STAU2: variants seen among roughly 807,000 people sequenced by gnomAD.
STAU2 encodes double-stranded RNA-binding protein Staufen homolog 2.
A neutral mutation model predicts 65.9 loss-of-function variants in STAU2; 20 were observed. The ratio of observed to expected loss-of-function variants is 0.30; its 90% CI spans 0.21 to 0.44. STAU2 has a LOEUF of 0.44. Among genes scored for constraint, STAU2 ranks in the 20% least tolerant of loss-of-function variants. The probability of loss-of-function intolerance (pLI) is 1.00; values close to 1 mark genes in which losing one functional copy is unlikely to be tolerated. For missense variants in STAU2, 558 were observed against 683.9 expected (o/e 0.82, Z 2.05); for synonymous variants, 232 against 233.9 (o/e 0.99, Z 0.07).
intron 13 of STAU2, among the ~76,000 whole-genome samples, chr8:73,423,136 G>C (rs1816519775): frequency 6.6e-6 from 1 of 152,224 alleles, no homozygotes; most frequent in African/African-American, 2.4e-5. Flanking sequence ...CTTAGCCCCA[G>C]TCAAGGTACA....
In STAU2 at chr8:73,536,696, A is replaced by G. The variant is rs767494648; in HGVS notation, c.1530+15316T>C. 2.6e-4 allele frequency among the ~76,000 whole-genome samples: 40 copies of G among 152,074 alleles called. 1 individual carries two copies. Among genetic ancestry groups the G allele is most frequent in the Non-Finnish European group, 3.7e-4 (25 of 68,012 alleles). ...GGTGGTGTCAATAGAGGCATGGTGG[A>G]AGGTCAGGACTTTCACCCCCACCCA... On this transcript the variant is annotated intron_variant, in intron 13 of 14. Coordinates refer to ENST00000524300, the MANE Select transcript of STAU2 (RefSeq NM_001164380.2).
chr8:73,660,732 A>G (rs997118074), intron 6 of STAU2, among the ~76,000 whole-genome samples: 4 of 152,224 alleles, frequency 2.6e-5, no homozygotes, highest in Admixed American at 1.3e-4. Flanking sequence ...TCCTAACTTA[A>G]TAACTCCTGA....
chr8:73,443,425 A>T (rs1818303101), intron 13 of STAU2, among the ~76,000 whole-genome samples: 1 of 152,258 alleles, frequency 6.6e-6, no homozygotes, highest in Non-Finnish European at 1.5e-5. Flanking sequence ...CGAATGAATG[A>T]ATACATGCAT....
intron 6 of STAU2, among the ~76,000 whole-genome samples, chr8:73,647,654 T>C (rs1815495696): frequency 6.6e-6 from 1 of 151,368 alleles, no homozygotes; most frequent in African/African-American, 2.4e-5. Flanking sequence ...TCATGGCTCG[T>C]AGTAGCCTCA....
At chr8:73,490,536 G>C (rs1236159687) in intron 13 of STAU2, among the ~76,000 whole-genome samples, 1 of 151,998 alleles carries the variant, frequency 6.6e-6, no homozygotes, top group East Asian at 1.9e-4. Context: ...TCCATGTTGA[G>C]AAAACGTAGC....
At chr8:73,555,542 AAAC>A (rs1313146990) in intron 12 of STAU2, among the ~76,000 whole-genome samples, 5 of 152,194 alleles carry the variant, frequency 3.3e-5, no homozygotes, top group East Asian at 3.8e-4. Context: ...TTGCAAAGAG[AAAC>A]AACAACAACA....
At chr8:73,500,685 T>A (rs912906234) in intron 13 of STAU2, among the ~76,000 whole-genome samples, 2 of 151,928 alleles carry the variant, frequency 1.3e-5, no homozygotes, top group Non-Finnish European at 2.9e-5. Flanking sequence ...ATGACCGTGA[T>A]AAAATTGCAC....
At chr8:73,693,876 CA>C (rs1185497517) in intron 4 of STAU2, among the ~76,000 whole-genome samples, 1 of 152,130 alleles carries the variant, frequency 6.6e-6, no homozygotes, top group Non-Finnish European at 1.5e-5. Flanking sequence ...AAAATTAGAA[CA>C]AAATGGTGTA....
chr8:73,532,231 T>C (rs1296795121), intron 13 of STAU2, among the ~76,000 whole-genome samples: 1 of 152,186 alleles, frequency 6.6e-6, no homozygotes, highest in Non-Finnish European at 1.5e-5. Flanking sequence ...ACATGACAGA[T>C]AGCAGTCCCT....
chr8:73,611,286 G>A (rs1217648561), intron 9 of STAU2, among the ~76,000 whole-genome samples: 1 of 152,128 alleles, frequency 6.6e-6, no homozygotes, highest in Non-Finnish European at 1.5e-5. Flanking sequence ...ACATTTCAGA[G>A]GGTATCTACA....
chr8:73,640,857 T>C (rs1399830735), intron 6 of STAU2, among the ~76,000 whole-genome samples: 1 of 152,250 alleles, frequency 6.6e-6, no homozygotes, highest in Non-Finnish European at 1.5e-5. Flanking sequence ...ATTTTTACCA[T>C]ATGTAAGTTC....
At chr8:73,695,470 G>A (rs1480359777) in intron 4 of STAU2, among the ~76,000 whole-genome samples, 2 of 151,432 alleles carry the variant, frequency 1.3e-5, no homozygotes, top group Admixed American at 1.3e-4. Context: ...GATACCCAAG[G>A]AGTATGCAGT....
At chr8:73,445,035 G>A (rs762331974) in intron 13 of STAU2, among the ~76,000 whole-genome samples, 4 of 152,144 alleles carry the variant, frequency 2.6e-5, no homozygotes, top group African/African-American at 4.8e-5. Context: ...AGAATAGGGC[G>A]GAGGGTTTCT....
chr8:73,704,983 G>T (rs1324020616), intron 4 of STAU2, among the ~76,000 whole-genome samples: 1 of 152,030 alleles, frequency 6.6e-6, no homozygotes, highest in African/African-American at 2.4e-5. Flanking sequence ...GTTTCATAAT[G>T]AATGTTATGA....
intron 6 of STAU2, among the ~76,000 whole-genome samples, chr8:73,644,812 T>C (rs1159091845): frequency 6.6e-6 from 1 of 152,162 alleles, no homozygotes; most frequent in African/African-American, 2.4e-5. Context: ...CTAAGATCAA[T>C]TCTACACACA....
chr8:73,714,054 C>T (rs1247744439), intron 3 of STAU2, among the ~76,000 whole-genome samples: 17 of 152,144 alleles, frequency 1.1e-4, no homozygotes, highest in Admixed American at 1.1e-3. Flanking sequence ...CAGGCATGCA[C>T]CACCACGCCC....
intron 6 of STAU2, among the ~76,000 whole-genome samples, chr8:73,655,075 C>CT (rs1344694470): frequency 2.6e-5 from 4 of 152,248 alleles, no homozygotes; most frequent in African/African-American, 9.6e-5. Flanking sequence ...ATAGCCATCT[C>CT]TAACTTAGCT....
intron 6 of STAU2, among the ~76,000 whole-genome samples, chr8:73,638,836 C>G (rs1274364327): frequency 6.8e-6 from 1 of 148,032 alleles, no homozygotes; most frequent in Non-Finnish European, 1.5e-5. Flanking sequence ...CATATTCTTA[C>G]TAGATTTAGT....
intron 6 of STAU2, among the ~76,000 whole-genome samples, chr8:73,644,446 TA>T (rs11330650): frequency 0.017 from 2,279 of 136,154 alleles, 44 homozygotes; most frequent in African/African-American, 0.049. Context: ...TCCTGTCTCT[TA>T]AAAAAAAAAA....
Sources: allele counts gnomAD v4.1 joint callset (sites outside exome capture counted in the v4.1 genomes callset), GRCh38; gene constraint gnomAD v4.1.1; transcripts MANE v1.5; gene names NCBI Gene and HGNC (gene_info 2026-07-23, HGNC 2026-07-21).